Variants in PPP2R2C observed in about 807,000 individuals in gnomAD.
PPP2R2C encodes the protein protein phosphatase 2 regulatory subunit Bgamma.
PPP2R2C carries 10 observed loss-of-function variants against 45.3 expected under a neutral mutation model. That is an observed-to-expected ratio of 0.22 (90% CI 0.14 to 0.37). The LOEUF is 0.37. PPP2R2C is among the 10% of genes least tolerant of loss of function. PPP2R2C has a pLI of 1.00. For missense variants in PPP2R2C, 308 were observed against 619.7 expected (o/e 0.50, Z 5.34); for synonymous variants, 257 against 245.4 (o/e 1.05, Z -0.44).
intron 2 of PPP2R2C, among the ~76,000 whole-genome samples, chr4:6,526,160 G>A (rs1016236139): frequency 6.6e-6 from 1 of 152,208 alleles, no homozygotes; most frequent in Non-Finnish European, 1.5e-5. Flanking sequence ...AGTCAACATA[G>A]GATGCATGTA....
rs888611790 is a variant in PPP2R2C, at chr4:6,328,272, T to C, written c.1052+990A>G. ...GCTCCTGACAGGTGGTATTCTGATC[T>C]AGCAGCCAGTGTAGTCTTTATCTCC... On this transcript the variant is annotated intron_variant, in intron 8 of 8. Transcript: ENST00000382599. The surrounding 1 kb of genome is among the most constrained non-coding windows in gnomAD (Gnocchi z 4.4). Among the ~76,000 whole-genome samples, 1 of 152,146 alleles carries C rather than the reference T, an allele frequency of 6.6e-6. No homozygotes were observed. The highest frequency in any genetic ancestry group is 1.5e-5 in the Non-Finnish European group (1 of 68,006).
intron 1 of PPP2R2C, among the ~76,000 whole-genome samples, chr4:6,432,863 G>A (rs556239522): frequency 1.4e-3 from 208 of 151,948 alleles, no homozygotes; most frequent in African/African-American, 4.7e-3. Context: ...ATTTTCTTTC[G>A]CCTCTGCTAC....
chr4:6,396,003 A>C (rs1355407586), intron 1 of PPP2R2C, among the ~76,000 whole-genome samples: 1 of 152,182 alleles, frequency 6.6e-6, no homozygotes, highest in Non-Finnish European at 1.5e-5. Context: ...TGTCCTGGTT[A>C]CACGCCGGCC....
rs1714568270 is a variant in PPP2R2C at position 6,368,875 on chromosome 4, C to A, written c.625+3648G>T. On this transcript the variant is annotated intron_variant, in intron 5 of 8. Coordinates refer to ENST00000382599, the MANE Select transcript of PPP2R2C (RefSeq NM_020416.4). The surrounding 1 kb of genome is among the most constrained non-coding windows in gnomAD (Gnocchi z 4.2). ...ACCTCCAAAGCTGGCTAGTGACACG[C>A]CCCTGTTTACAGTACATCAATAGCT... Among the ~76,000 whole-genome samples the A allele has an allele frequency of 6.6e-6, 1 of 152,170 alleles. No individual in the cohort carries two copies. Among genetic ancestry groups the A allele is most frequent in the Admixed American group, 6.5e-5 (1 of 15,274 alleles).
At chr4:6,409,776 A>C (rs1718033930) in intron 1 of PPP2R2C, among the ~76,000 whole-genome samples, 1 of 152,154 alleles carries the variant, frequency 6.6e-6, no homozygotes, top group African/African-American at 2.4e-5. Context: ...AGCCAAGAGG[A>C]GAACTCAGGT....
chr4:6,447,168 G>A (rs943382365), intron 1 of PPP2R2C, among the ~76,000 whole-genome samples: 6 of 152,124 alleles, frequency 3.9e-5, no homozygotes, highest in African/African-American at 1.4e-4. Flanking sequence ...AGGAGCCCCG[G>A]GGTCTTGAGC....
intron 1 of PPP2R2C, among the ~76,000 whole-genome samples, chr4:6,407,566 T>A (rs74997410): frequency 1.3e-5 from 2 of 152,072 alleles, no homozygotes; most frequent in East Asian, 3.9e-4. Flanking sequence ...GGCTAATTAT[T>A]TTTTTTGTAT....
intron 6 of PPP2R2C, among the ~76,000 whole-genome samples, chr4:6,347,487 G>A (rs1054774116): frequency 1.3e-5 from 2 of 152,152 alleles, no homozygotes; most frequent in Admixed American, 1.3e-4. Flanking sequence ...TTTGGGGGCT[G>A]CAGGGCCACA....
intron 6 of PPP2R2C, among the ~76,000 whole-genome samples, chr4:6,343,353 A>G (rs1046660348): frequency 2.0e-5 from 3 of 152,254 alleles, no homozygotes; most frequent in African/African-American, 7.2e-5. Context: ...TCCGTACAGG[A>G]TATTGAGTTT....
At chr4:6,421,772 TCA>T (rs1718987992) in intron 1 of PPP2R2C, among the ~76,000 whole-genome samples, 1 of 150,080 alleles carries the variant, frequency 6.7e-6, no homozygotes, top group Non-Finnish European at 1.5e-5. Context: ...TGAAAAGAAG[TCA>T]CAGTTCCTGC....
chr4:6,446,491 C>T (rs1057133482), intron 1 of PPP2R2C, among the ~76,000 whole-genome samples: 1 of 152,172 alleles, frequency 6.6e-6, no homozygotes, highest in Non-Finnish European at 1.5e-5. Context: ...GTTTCCTCAT[C>T]TGTACAACGG....
At chr4:6,371,545 C>T (rs1179574788) in intron 5 of PPP2R2C, among the ~76,000 whole-genome samples, 1 of 152,178 alleles carries the variant, frequency 6.6e-6, no homozygotes, top group Non-Finnish European at 1.5e-5. Context: ...TTCCAAGACA[C>T]ACCTGGGTGG....
At chr4:6,451,168 G>A (rs955798630) in intron 1 of PPP2R2C, among the ~76,000 whole-genome samples, 1 of 152,024 alleles carries the variant, frequency 6.6e-6, no homozygotes, top group African/African-American at 2.4e-5. Flanking sequence ...TCTGCTCTGC[G>A]GGCTCCTCAG....
intron 1 of PPP2R2C, 68 bp from the exon 2 acceptor site, chr4:6,381,162 T>C (rs762542377): frequency 7.1e-6 from 11 of 1,552,018 alleles, no homozygotes; most frequent in Non-Finnish European, 4.4e-6. Context: ...TGCTCAACAG[T>C]GCCACAGCAA....
intron 2 of PPP2R2C, among the ~76,000 whole-genome samples, chr4:6,519,874 T>G: frequency 6.7e-6 from 1 of 149,996 alleles, no homozygotes; most frequent in Non-Finnish European, 1.5e-5. Context: ...GGAGACAGAG[T>G]GGCCTGAGAT....
chr4:6,483,449 C>T (rs1346399568), intron 2 of PPP2R2C, among the ~76,000 whole-genome samples: 6 of 152,008 alleles, frequency 3.9e-5, no homozygotes, highest in Non-Finnish European at 8.8e-5. Context: ...TATAGTCAGC[C>T]TTTTTAATGA....
intron 1 of PPP2R2C, among the ~76,000 whole-genome samples, chr4:6,539,240 C>T (rs1007675630): frequency 3.9e-5 from 6 of 152,068 alleles, no homozygotes; most frequent in African/African-American, 7.2e-5. Context: ...GATGAGGCTT[C>T]CACAAGCCAG....
chr4:6,491,399 G>A (rs1722694770), intron 2 of PPP2R2C, among the ~76,000 whole-genome samples: 1 of 152,330 alleles, frequency 6.6e-6, no homozygotes, highest in Non-Finnish European at 1.5e-5. Context: ...GCCATGTAGG[G>A]TGGTGGAACC....
chr4:6,337,112 G>GTGTGTATATA (rs1202845732), intron 6 of PPP2R2C, among the ~76,000 whole-genome samples: 1 of 30,104 alleles, frequency 3.3e-5, no homozygotes, highest in African/African-American at 1.0e-4. Context: ...ATGTGTGTGT[G>GTGTGTATATA]TATATATATA....
Sources: gnomAD v4.1 joint callset for allele counts (sites outside exome capture counted in the v4.1 genomes callset) on GRCh38, gnomAD v4.1.1 for gene constraint, Gnocchi (gnomAD v3.1) non-coding constraint, MANE v1.5 for transcripts, NCBI Gene and HGNC (gene_info 2026-07-23, HGNC 2026-07-21) for gene names.